Variants in ESR1 observed in about 807,000 individuals in gnomAD.
The protein encoded by ESR1 is estrogen receptor 1.
ESR1 carries 12 observed loss-of-function variants against 52.7 expected under a neutral mutation model. The observed-to-expected ratio is 0.23, with a 90% CI of 0.15 to 0.37. The LOEUF is 0.37. Among genes scored for constraint, ESR1 ranks in the 10% least tolerant of loss-of-function variants. The pLI is 1.00. For synonymous variants in ESR1, 305 were observed against 316.8 expected, an observed-to-expected ratio of 0.96 and a Z score of 0.39; for missense variants, 584 against 779.7, an observed-to-expected ratio of 0.75 and a Z score of 2.99.
At chr6:151,709,606 G>A (rs149123806) in intron 2 of ESR1, among the ~76,000 whole-genome samples, 3 of 152,024 alleles carry the variant, frequency 2.0e-5, no homozygotes, top group African/African-American at 7.2e-5. Context: ...TCTTTACTCC[G>A]CATCCTTGCC....
At chr6:151,826,079 G>C (rs969620933) in intron 1 of ESR1, among the ~76,000 whole-genome samples, 1 of 152,032 alleles carries the variant, frequency 6.6e-6, no homozygotes. Flanking sequence ...ATGCGGGGAG[G>C]GGGGTGGCGG....
At chr6:151,855,610 T>C (rs1257741023) in intron 2 of ESR1, among the ~76,000 whole-genome samples, 1 of 152,198 alleles carries the variant, frequency 6.6e-6, no homozygotes, top group Non-Finnish European at 1.5e-5. Flanking sequence ...TGCAAAGATA[T>C]ATCATCCATA....
intron 2 of ESR1, among the ~76,000 whole-genome samples, chr6:151,742,994 A>G (rs1041911824): frequency 6.6e-6 from 1 of 152,248 alleles, no homozygotes; most frequent in Non-Finnish European, 1.5e-5. Context: ...AGAATCATTT[A>G]GGAGGCTTAT....
In ESR1 at chr6:152,119,222, A is replaced by C. The variant is rs548203571; in HGVS notation, c.851-6044A>C. 3.9e-5 allele frequency among the ~76,000 whole-genome samples: 6 copies of C among 152,236 alleles called. No individual in the cohort carries two copies. The East Asian group carries it at 9.7e-4, about 25-fold the overall frequency. On this transcript the variant is annotated intron_variant, in intron 6 of 6. Coordinates refer to the ESR1 transcript ENST00000427531. The stretch of plus-strand genomic sequence containing the variant: ...GCCCTGGGGTGTAGGCTATCAATCA[A>C]TCTACTCTAACCTGCATTTTTATAG...
chr6:151,759,268 CAAAA>C (rs984171376), intron 2 of ESR1, among the ~76,000 whole-genome samples: 1 of 66,432 alleles, frequency 1.5e-5, no homozygotes, highest in Admixed American at 1.7e-4. Context: ...GACTCTGTCT[CAAAA>C]AAAAAAAAAA....
intron 2 of ESR1, among the ~76,000 whole-genome samples, chr6:151,704,325 C>A (rs1431937737): frequency 6.6e-6 from 1 of 152,174 alleles, no homozygotes. Context: ...GCAACCTCTG[C>A]CTCCCCGGTT....
Position 151,976,343 on chromosome 6 carries a change from T to C in ESR1, c.1096+31835T>C, listed in dbSNP as rs548125705. Among the ~76,000 whole-genome samples, 3 of 152,318 alleles carry C rather than the reference T, an allele frequency of 2.0e-5. No individual in the cohort carries two copies. In the South Asian group the frequency reaches 6.2e-4, roughly 32 times the overall value. On this transcript the variant is annotated intron_variant, in intron 4 of 7. Coordinates refer to ENST00000206249, the MANE Select transcript of ESR1 (RefSeq NM_000125.4). ...TTGGGCTGAGTTCAACTACTATCCA[T>C]ATTAACTGAATCATAAAACAATTAA...
chr6:152,072,258 C>A (rs2048412515), intron 6 of ESR1, among the ~76,000 whole-genome samples: 1 of 152,228 alleles, frequency 6.6e-6, no homozygotes, highest in African/African-American at 2.4e-5. Context: ...CCTGCACTGA[C>A]ACAATGCTGA....
chr6:151,967,449 C>T (rs2038402648), intron 4 of ESR1, among the ~76,000 whole-genome samples: 1 of 152,112 alleles, frequency 6.6e-6, no homozygotes, highest in South Asian at 2.1e-4. Context: ...GTTTTCTCTT[C>T]CTGAGTTAGT....
intron 4 of ESR1, among the ~76,000 whole-genome samples, chr6:151,959,776 C>T (rs1206576776): frequency 6.6e-6 from 1 of 152,066 alleles, no homozygotes; most frequent in Non-Finnish European, 1.5e-5. Flanking sequence ...CTTTGGAAGA[C>T]TACAAGCCAC....
chr6:151,850,865 C>A (rs971548974), intron 2 of ESR1, among the ~76,000 whole-genome samples: 1 of 152,202 alleles, frequency 6.6e-6, no homozygotes, highest in Non-Finnish European at 1.5e-5. Flanking sequence ...AGCTGCATTA[C>A]CTTTCACCAG....
At chr6:151,756,751 A>G (rs977884269) in intron 2 of ESR1, among the ~76,000 whole-genome samples, 8 of 152,188 alleles carry the variant, frequency 5.3e-5, no homozygotes, top group African/African-American at 1.9e-4. Flanking sequence ...GCACTTTGGG[A>G]GGCCGAGGCG....
chr6:152,063,484 C>T (rs573650247), intron 6 of ESR1, among the ~76,000 whole-genome samples: 1 of 152,322 alleles, frequency 6.6e-6, no homozygotes, highest in African/African-American at 2.4e-5. Flanking sequence ...AGCAGGGCTC[C>T]TCATGTCTCC....
rs117447481 is a variant in ESR1, at chr6:151,865,945, C to T, written c.644-14710C>T. Among the ~76,000 whole-genome samples, 471 of 152,308 alleles carry T rather than the reference C, an allele frequency of 3.1e-3. 1 individual carries two copies. The highest frequency in any genetic ancestry group is 0.017 in the Middle Eastern group (5 of 292). ...GAGAACTCTGCTTTCTGATGTGGGG[C>T]GCATCCTATCTGAGATAACTCTCCT... On this transcript the variant is annotated intron_variant, in intron 2 of 7. Transcript: ENST00000206249.
intron 2 of ESR1, among the ~76,000 whole-genome samples, chr6:151,744,449 T>G (rs1157867614): frequency 6.6e-6 from 1 of 152,202 alleles, no homozygotes; most frequent in Non-Finnish European, 1.5e-5. Context: ...TAGTTTTGAT[T>G]TGCATTTCCC....
intron 4 of ESR1, among the ~76,000 whole-genome samples, chr6:152,009,072 A>T (rs776693152): frequency 3.9e-5 from 6 of 152,038 alleles, no homozygotes; most frequent in Non-Finnish European, 7.4e-5. Flanking sequence ...CCTACAGGTA[A>T]ATCACTGCAT....
intron 1 of ESR1, among the ~76,000 whole-genome samples, chr6:151,671,942 A>G (rs1170119138): frequency 6.6e-6 from 1 of 152,182 alleles, no homozygotes; most frequent in Non-Finnish European, 1.5e-5. Context: ...CAGTGAGCCT[A>G]GATCATGGCA....
At chr6:151,755,569 C>T (rs1784222199) in intron 2 of ESR1, among the ~76,000 whole-genome samples, 1 of 152,156 alleles carries the variant, frequency 6.6e-6, no homozygotes, top group East Asian at 1.9e-4. Context: ...ATGCTCTGTC[C>T]TGCCAGTCAG....
intron 4 of ESR1, chr6:151,983,657 T>A (rs559818042): frequency 2.6e-5 from 4 of 152,264 alleles, no homozygotes; most frequent in Admixed American, 6.5e-5. Flanking sequence ...CAAGACAACA[T>A]GGCCCATACA....
Sources: allele counts gnomAD v4.1 joint callset (sites outside exome capture counted in the v4.1 genomes callset), GRCh38; gene constraint gnomAD v4.1.1; transcripts MANE v1.5; gene names NCBI Gene and HGNC (gene_info 2026-07-23, HGNC 2026-07-21).